Variants in LPAR1 observed in about 807,000 individuals in gnomAD.
The protein encoded by LPAR1 is lysophosphatidic acid receptor 1, also known as LPA receptor 1.
Under a neutral mutation model 23.8 loss-of-function variants are expected in LPAR1, and 5 were observed. That is an observed-to-expected ratio of 0.21 (90% CI 0.11 to 0.44). The LOEUF is 0.44. LPAR1 is among the 20% of genes least tolerant of loss of function. The pLI is 0.99. For synonymous variants in LPAR1, 160 were observed against 164.7 expected (o/e 0.97, Z 0.22); for missense variants, 311 against 482.8 (o/e 0.64, Z 3.33).
chr9:110,947,678 G>A (rs1162834588), intron 4 of LPAR1, among the ~76,000 whole-genome samples: 1 of 152,182 alleles, frequency 6.6e-6, no homozygotes, highest in African/African-American at 2.4e-5. Context: ...CTAGGAGTAC[G>A]ACTGATGCAC....
At chr9:110,876,738 C>T (rs963913505) in intron 5 of LPAR1, among the ~76,000 whole-genome samples, 1 of 152,180 alleles carries the variant, frequency 6.6e-6, no homozygotes, top group Non-Finnish European at 1.5e-5. Context: ...TCTCTTTCTT[C>T]CCCCAATTAT....
In LPAR1 at chr9:110,941,659, G is replaced by T; in HGVS notation, c.555C>A (p.Gly185=). The T allele has an allele frequency of 6.2e-7, 1 of 1,614,200 alleles. No individual in the cohort carries two copies. Among genetic ancestry groups the T allele is most frequent in the Non-Finnish European group, 8.5e-7 (1 of 1,180,010 alleles). The change falls in exon 5 of 6, where the codon GGC becomes GGA. Residue 185 remains glycine, a synonymous_variant. Coordinates refer to ENST00000683809, the MANE Select transcript of LPAR1 (RefSeq NM_001351411.2). This position sits in a 1 kb window ranked among gnomAD's most constrained non-coding sequence, Gnocchi z 6.1. ...TTTCAATATCACAGATACAGTTCCA[G>T]CCCACACTGGGTATAGCACCCATAA... ...AIVMGAIPSV[G]WNCICDIENC...
At chr9:110,906,404 T>A (rs2091228687) in intron 5 of LPAR1, among the ~76,000 whole-genome samples, 1 of 152,250 alleles carries the variant, frequency 6.6e-6, no homozygotes, top group Non-Finnish European at 1.5e-5. Flanking sequence ...ATGTGTTCTT[T>A]GGGTGAAAAC....
At chr9:110,879,523 G>C (rs952993198) in intron 5 of LPAR1, among the ~76,000 whole-genome samples, 1 of 150,526 alleles carries the variant, frequency 6.6e-6, no homozygotes, top group Non-Finnish European at 1.5e-5. Context: ...CAAAGGTCTT[G>C]TATATCTGGC....
intron 1 of LPAR1, among the ~76,000 whole-genome samples, chr9:111,036,416 A>G (rs2097896490): frequency 6.6e-6 from 1 of 151,282 alleles, no homozygotes; most frequent in Admixed American, 6.6e-5. Context: ...TCCCAGCTCA[A>G]GAATTTTTCT....
At chr9:110,905,007 C>T (rs929866203) in intron 5 of LPAR1, among the ~76,000 whole-genome samples, 5 of 152,202 alleles carry the variant, frequency 3.3e-5, no homozygotes, top group African/African-American at 9.7e-5. Context: ...TGGACCATTT[C>T]CACTTAGAGG....
intron 4 of LPAR1, among the ~76,000 whole-genome samples, chr9:110,963,725 A>G (rs1413760254): frequency 2.6e-5 from 4 of 152,244 alleles, no homozygotes; most frequent in African/African-American, 4.8e-5. Flanking sequence ...GAACTAACAT[A>G]CGTCAGGTAT....
chr9:110,931,954 A>G (rs571740720), intron 5 of LPAR1, among the ~76,000 whole-genome samples: 1 of 151,230 alleles, frequency 6.6e-6, no homozygotes, highest in African/African-American at 2.4e-5. Context: ...GTCAGGTAGC[A>G]TGATGCCTCC....
At chr9:110,943,146 T>C (rs2095230487) in intron 4 of LPAR1, among the ~76,000 whole-genome samples, 1 of 148,240 alleles carries the variant, frequency 6.7e-6, no homozygotes, top group South Asian at 2.1e-4. Flanking sequence ...TAATAATATA[T>C]TTAAACAAAA....
intron 4 of LPAR1, 37 bp downstream of exon 4, chr9:110,972,036 C>T (rs530993587): frequency 6.9e-6 from 11 of 1,586,312 alleles, no homozygotes; most frequent in East Asian, 2.2e-5. Context: ...GACAAACTTA[C>T]GATTACCTCA....
intron 5 of LPAR1, among the ~76,000 whole-genome samples, chr9:110,929,220 A>G (rs2094235684): frequency 6.6e-6 from 1 of 152,200 alleles, no homozygotes; most frequent in Non-Finnish European, 1.5e-5. Context: ...CCAGGGTTTA[A>G]GTAAAGCCAT....
At chr9:110,974,636 G>A (rs2096511311) in intron 2 of LPAR1, among the ~76,000 whole-genome samples, 1 of 152,176 alleles carries the variant, frequency 6.6e-6, no homozygotes, top group Non-Finnish European at 1.5e-5. Context: ...CAAATAAGTA[G>A]TAAAGTTCTC....
chr9:111,033,197 G>T (rs2097833780), intron 2 of LPAR1, among the ~76,000 whole-genome samples: 1 of 152,120 alleles, frequency 6.6e-6, no homozygotes, highest in Non-Finnish European at 1.5e-5. Context: ...CTATAGCACT[G>T]ATTAGATGAC....
intron 4 of LPAR1, among the ~76,000 whole-genome samples, chr9:110,953,745 C>A (rs1367175430): frequency 6.6e-6 from 1 of 151,808 alleles, no homozygotes; most frequent in Non-Finnish European, 1.5e-5. Flanking sequence ...ACTTCACATA[C>A]TCAGAATCAA....
chr9:110,948,304 T>C (rs1191589758), intron 4 of LPAR1, among the ~76,000 whole-genome samples: 1 of 152,176 alleles, frequency 6.6e-6, no homozygotes, highest in Non-Finnish European at 1.5e-5. Flanking sequence ...AGTGAGATGT[T>C]TTGTCACAAT....
chr9:110,925,683 A>G (rs1319388216), intron 5 of LPAR1, among the ~76,000 whole-genome samples: 1 of 152,226 alleles, frequency 6.6e-6, no homozygotes, highest in Non-Finnish European at 1.5e-5. Flanking sequence ...CACTAATCAC[A>G]GCAGGCCACA....
At chr9:111,023,445 G>T (rs1230694540) in intron 2 of LPAR1, among the ~76,000 whole-genome samples, 1 of 152,044 alleles carries the variant, frequency 6.6e-6, no homozygotes, top group Non-Finnish European at 1.5e-5. Flanking sequence ...GTCAGATGAG[G>T]TTCCCCATTT....
intron 5 of LPAR1, among the ~76,000 whole-genome samples, chr9:110,924,001 A>G (rs1183663709): frequency 6.6e-6 from 1 of 152,128 alleles, no homozygotes; most frequent in African/African-American, 2.4e-5. Context: ...AAAAGTTTCC[A>G]TCTCTTTTTT....
In LPAR1 at chr9:110,972,066, C is replaced by A. The variant is rs200198388; in HGVS notation, c.45+7G>T. 1.6e-5 allele frequency: 26 copies of A among 1,613,216 alleles called. No individual in the cohort carries two copies. The highest frequency in any genetic ancestry group is 1.9e-5 in the Non-Finnish European group (22 of 1,179,310). On this transcript the variant is annotated splice_region_variant and intron_variant, in intron 4 of 5. Coordinates refer to ENST00000683809, the MANE Select transcript of LPAR1 (RefSeq NM_001351411.2). Reference sequence around the variant, plus strand: ...ACCTCAGACCTCTGCTAGTTTGAAGCCCTTACCTGGGGCTGTGAAATTACA... The same window carrying A: ...ACCTCAGACCTCTGCTAGTTTGAAGACCTTACCTGGGGCTGTGAAATTACA...
Sources: allele counts gnomAD v4.1 joint callset (sites outside exome capture counted in the v4.1 genomes callset), GRCh38; gene constraint gnomAD v4.1.1; non-coding constraint Gnocchi (gnomAD v3.1); transcripts MANE v1.5; gene names NCBI Gene and HGNC (gene_info 2026-07-23, HGNC 2026-07-21).